Variants in TRAPPC9 observed in about 807,000 individuals in gnomAD.
The protein encoded by TRAPPC9 is trafficking protein particle complex subunit 9, also known as IKK2 binding protein.
TRAPPC9 carries 83 observed loss-of-function variants against 124.0 expected under a neutral mutation model. The observed-to-expected ratio is 0.67, with a 90% CI of 0.56 to 0.80. TRAPPC9 has a LOEUF of 0.80. Among genes scored for constraint, TRAPPC9 ranks in the 30% least tolerant of loss-of-function variants. The probability of loss-of-function intolerance (pLI) is 0.00; values close to 1 mark genes in which losing one functional copy is unlikely to be tolerated. For missense variants in TRAPPC9, 1,302 were observed against 1,508.3 expected (o/e 0.86, Z 2.27); for synonymous variants, 638 against 617.5 (o/e 1.03, Z -0.49).
chr8:140,343,119 A>G (rs1420032383), intron 9 of TRAPPC9, among the ~76,000 whole-genome samples: 4 of 152,242 alleles, frequency 2.6e-5, no homozygotes, highest in Non-Finnish European at 5.9e-5. Context: ...AAGGACATAT[A>G]TTAAAATATC....
At chr8:140,288,918 G>A (rs1313801968) in intron 12 of TRAPPC9, among the ~76,000 whole-genome samples, 2 of 152,144 alleles carry the variant, frequency 1.3e-5, no homozygotes, top group Non-Finnish European at 2.9e-5. Flanking sequence ...CAGCAGTATG[G>A]TCAAAGCTAC....
At chr8:140,284,257 C>T (rs769744570) in intron 13 of TRAPPC9, among the ~76,000 whole-genome samples, 5 of 152,176 alleles carry the variant, frequency 3.3e-5, no homozygotes, top group Non-Finnish European at 5.9e-5. Flanking sequence ...GCTGGCTGGG[C>T]CCAAATGAAA....
At chr8:140,171,842 T>C (rs1336497068) in intron 17 of TRAPPC9, among the ~76,000 whole-genome samples, 1 of 152,152 alleles carries the variant, frequency 6.6e-6, no homozygotes, top group Non-Finnish European at 1.5e-5. Flanking sequence ...GGTAGGAGTA[T>C]GGCCGCACCA....
At chr8:140,393,427 G>A (rs752927596) in intron 7 of TRAPPC9, among the ~76,000 whole-genome samples, 1 of 152,144 alleles carries the variant, frequency 6.6e-6, no homozygotes, top group Non-Finnish European at 1.5e-5. Flanking sequence ...CAGGTAGACA[G>A]CTATTAAATG....
chr8:139,886,924 T>C (rs1830050357), intron 20 of TRAPPC9, among the ~76,000 whole-genome samples: 2 of 152,180 alleles, frequency 1.3e-5, no homozygotes, highest in Admixed American at 6.5e-5. Flanking sequence ...TGAGGTAGAA[T>C]GGAGCAGAGG....
At chr8:140,259,461 A>T (rs937355445) in intron 15 of TRAPPC9, among the ~76,000 whole-genome samples, 3 of 152,210 alleles carry the variant, frequency 2.0e-5, no homozygotes, top group African/African-American at 7.2e-5. Flanking sequence ...CCCCAGCTTC[A>T]GGACAAAGGG....
intron 19 of TRAPPC9, among the ~76,000 whole-genome samples, chr8:139,975,216 G>C (rs1432485334): frequency 2.6e-5 from 4 of 152,206 alleles, no homozygotes; most frequent in Non-Finnish European, 5.9e-5. Flanking sequence ...ACACAGGTGT[G>C]GCTTCTGGGC....
At chr8:140,020,363 TA>T (rs767702082) in intron 18 of TRAPPC9, among the ~76,000 whole-genome samples, 40 of 152,202 alleles carry the variant, frequency 2.6e-4, no homozygotes, top group Non-Finnish European at 5.0e-4. Context: ...TACTGTATTA[TA>T]AATAACAACT....
intron 12 of TRAPPC9, among the ~76,000 whole-genome samples, chr8:140,288,350 T>A (rs1163427426): frequency 6.6e-6 from 1 of 152,094 alleles, no homozygotes; most frequent in Non-Finnish European, 1.5e-5. Context: ...AATCAATCAA[T>A]AAAGTGTGGA....
chr8:140,365,386 G>A (rs898279444), intron 8 of TRAPPC9, among the ~76,000 whole-genome samples: 54 of 152,290 alleles, frequency 3.5e-4, no homozygotes, highest in Admixed American at 1.1e-3. Flanking sequence ...CACGTGGAAC[G>A]CGTGGTCTCC....
At chr8:140,117,255 G>C (rs2130571728) in intron 17 of TRAPPC9, among the ~76,000 whole-genome samples, 1 of 152,306 alleles carries the variant, frequency 6.6e-6, no homozygotes, top group South Asian at 2.1e-4. Context: ...TACATGCAAA[G>C]TGCTCACCAC....
Position 139,843,420 on chromosome 8 carries a change from C to T in TRAPPC9, c.3055+42459G>A, listed in dbSNP as rs552745225. Among the ~76,000 whole-genome samples, 65 of 152,310 alleles carry T rather than the reference C, an allele frequency of 4.3e-4. 1 individual carries two copies. In the South Asian group the frequency reaches 0.013, roughly 31 times the overall value. ...CACTTGTGCATCAAGTGAACTTGGA[C>T]TCCTCTGAATTTCTGTCATTCATAG... On this transcript the variant is annotated intron_variant, in intron 21 of 22. Transcript: ENST00000438773.
chr8:140,125,061 A>G (rs765024269), intron 17 of TRAPPC9, among the ~76,000 whole-genome samples: 4 of 152,184 alleles, frequency 2.6e-5, no homozygotes, highest in Non-Finnish European at 4.4e-5. Flanking sequence ...TTCTTCAAAG[A>G]GAGATGGCAA....
intron 21 of TRAPPC9, among the ~76,000 whole-genome samples, chr8:139,794,523 T>C (rs887184604): frequency 6.6e-6 from 1 of 152,200 alleles, no homozygotes; most frequent in Non-Finnish European, 1.5e-5. Context: ...GCTGAGGTGC[T>C]GGCATTTCCA....
At chr8:139,892,060 G>A (rs1830387185) in intron 20 of TRAPPC9, among the ~76,000 whole-genome samples, 1 of 152,188 alleles carries the variant, frequency 6.6e-6, no homozygotes, top group African/African-American at 2.4e-5. Context: ...ATATGTGCAT[G>A]CACACCAGTG....
chr8:139,996,173 A>G (rs1020196690), intron 18 of TRAPPC9, among the ~76,000 whole-genome samples: 1 of 147,780 alleles, frequency 6.8e-6, no homozygotes, highest in Admixed American at 6.7e-5. Flanking sequence ...AAAAAAAAAA[A>G]AAAAAAAAAG....
intron 21 of TRAPPC9, among the ~76,000 whole-genome samples, chr8:139,815,495 C>G (rs1396615431): frequency 6.6e-6 from 1 of 151,670 alleles, no homozygotes; most frequent in Non-Finnish European, 1.5e-5. Context: ...TCAAGCGATT[C>G]TCCCACCTCA....
At chr8:140,125,815 A>T (rs1284034345) in intron 17 of TRAPPC9, among the ~76,000 whole-genome samples, 8 of 151,248 alleles carry the variant, frequency 5.3e-5, no homozygotes, top group Non-Finnish European at 1.0e-4. Context: ...TTTGTTCCAA[A>T]CCTGCATGTT....
At chr8:139,926,902 C>G (rs1167255202) in intron 19 of TRAPPC9, among the ~76,000 whole-genome samples, 1 of 152,086 alleles carries the variant, frequency 6.6e-6, no homozygotes, top group Non-Finnish European at 1.5e-5. Flanking sequence ...AAAAAAATCA[C>G]AACACATTGA....
Sources: gnomAD v4.1 joint callset for allele counts (sites outside exome capture counted in the v4.1 genomes callset) on GRCh38, gnomAD v4.1.1 for gene constraint, MANE v1.5 for transcripts, NCBI Gene and HGNC (gene_info 2026-07-23, HGNC 2026-07-21) for gene names.